ADGRL4: variants seen among roughly 807,000 people sequenced by gnomAD.
ADGRL4 encodes EGF, latrophilin and seven transmembrane domain containing 1.
A neutral mutation model predicts 74.8 loss-of-function variants in ADGRL4; 90 were observed. The observed-to-expected ratio is 1.20, with a 90% CI of 1.02 to 1.43. The LOEUF (loss-of-function observed/expected upper bound fraction) is 1.43, where lower values mean the gene tolerates loss of function less well. Ranked by LOEUF, ADGRL4 falls within the 40% of genes most tolerant of loss-of-function variation. The probability of loss-of-function intolerance (pLI) is 0.00; values close to 1 mark genes in which losing one functional copy is unlikely to be tolerated. For synonymous variants in ADGRL4, 311 were observed against 279.2 expected, an observed-to-expected ratio of 1.11 and a Z score of -1.14; for missense variants, 881 against 814.3, an observed-to-expected ratio of 1.08 and a Z score of -1.00.
rs1648236711 is a variant in ADGRL4 at position 78,890,144 on chromosome 1, C to T, written c.*1010G>A. ...TCTGAACAGAAAAAATAGCAATTCA[C>T]TTTATAAATACTTTCATATTTACAA... On this transcript the variant is annotated 3_prime_UTR_variant, in exon 15 of 15. Transcript: ENST00000370742. The T allele has an allele frequency of 1.3e-5, 2 of 153,938 alleles. No homozygotes were observed. Among genetic ancestry groups the T allele is most frequent in the Admixed American group, 6.6e-5 (1 of 15,252 alleles). The allele number at this position is 153,938 out of a possible 1,614,324, so 9.5% of individuals were successfully genotyped here.
chr1:78,998,802 A>G (rs548019713), intron 2 of ADGRL4, among the ~76,000 whole-genome samples: 1 of 152,270 alleles, frequency 6.6e-6, no homozygotes, highest in African/African-American at 2.4e-5. Context: ...GCAAACCTAC[A>G]CCACAGAGTA....
intron 2 of ADGRL4, among the ~76,000 whole-genome samples, chr1:78,979,295 T>A (rs753927952): frequency 1.3e-5 from 2 of 151,946 alleles, no homozygotes; most frequent in Non-Finnish European, 1.5e-5. Flanking sequence ...TATAAGTCCG[T>A]TCCCTTTAGC....
At chr1:78,969,836 T>C (rs1455039596) in intron 2 of ADGRL4, among the ~76,000 whole-genome samples, 2 of 152,134 alleles carry the variant, frequency 1.3e-5, no homozygotes, top group African/African-American at 4.8e-5. Flanking sequence ...CTTGTTCCTG[T>C]GAACCAACCA....
chr1:78,893,169 T>C lies in ADGRL4; in HGVS notation c.1770A>G (p.Gly590=), dbSNP rs1299194926. 2.5e-6 allele frequency: 4 copies of C among 1,601,626 alleles called. No individual in the cohort carries two copies. Among genetic ancestry groups the C allele is most frequent in the Admixed American group, 3.4e-5 (2 of 58,008 alleles). ...GACGAAAAACTTTGTATATGATGAC[T>C]CCAAAAGCCAAGAGATTAACCTGGA... ...LIILVNLLAF[G]VIIYKVFRHT... The change falls in exon 13 of 15, where the codon GGA becomes GGG. Residue 590 remains glycine, a synonymous_variant. Transcript: ENST00000370742.
intron 2 of ADGRL4, among the ~76,000 whole-genome samples, chr1:78,972,079 C>T (rs1381415883): frequency 6.6e-6 from 1 of 152,102 alleles, no homozygotes; most frequent in African/African-American, 2.4e-5. Context: ...GATTAAAAAA[C>T]CTTAAATATC....
chr1:78,905,571 CAAAT>C (rs750429379), intron 12 of ADGRL4, among the ~76,000 whole-genome samples: 1 of 151,926 alleles, frequency 6.6e-6, no homozygotes, highest in Non-Finnish European at 1.5e-5. Context: ...CAAAAACAAA[CAAAT>C]GAGTGTGGCT....
In ADGRL4 at chr1:78,917,961, G is replaced by A. The variant is rs747713372; in HGVS notation, c.1551C>T (p.Leu517=). 2 of 1,612,134 alleles carry A rather than the reference G, an allele frequency of 1.2e-6. No individual in the cohort carries two copies. The change falls in exon 11 of 15, where the codon CTC becomes CTT. Residue 517 remains leucine (L), a synonymous_variant. Coordinates refer to ENST00000370742, the MANE Select transcript of ADGRL4 (RefSeq NM_022159.4). The stretch of plus-strand genomic sequence containing the variant: ...TGTTGTAGATGACACCCACAACAAT[G>A]AGATAGAGATGTATGCCTTCAATGC... ...WMCIEGIHLY[L]IVVGVIYNKG...
At chr1:78,910,541 A>G (rs890400816) in intron 12 of ADGRL4, among the ~76,000 whole-genome samples, 13 of 151,854 alleles carry the variant, frequency 8.6e-5, no homozygotes, top group South Asian at 6.2e-4. Flanking sequence ...CTATTCTTCA[A>G]TGCTGAATGT....
At chr1:78,961,274 C>G (rs532594591) in intron 2 of ADGRL4, among the ~76,000 whole-genome samples, 1 of 152,164 alleles carries the variant, frequency 6.6e-6, no homozygotes, top group South Asian at 2.1e-4. Context: ...TCCTGAGTAG[C>G]TGGGACTACA....
chr1:78,951,034 T>C (rs938396949), intron 2 of ADGRL4, among the ~76,000 whole-genome samples: 2 of 152,182 alleles, frequency 1.3e-5, no homozygotes, highest in African/African-American at 4.8e-5. Flanking sequence ...GACTCCCTTC[T>C]TCTCTTCCAG....
chr1:78,939,310 T>G, intron 3 of ADGRL4, 52 bp from the exon 4 acceptor site: 1 of 1,444,714 alleles, frequency 6.9e-7, no homozygotes, highest in Non-Finnish European at 9.2e-7. Flanking sequence ...GTATTTTTCC[T>G]AAGCTGATCA....
chr1:78,932,946 A>G (rs1206904933), intron 7 of ADGRL4, among the ~76,000 whole-genome samples: 1 of 151,368 alleles, frequency 6.6e-6, no homozygotes, highest in African/African-American at 2.5e-5. Context: ...CCTCCCAAAC[A>G]AAAAAAGCCC....
intron 2 of ADGRL4, among the ~76,000 whole-genome samples, chr1:78,954,149 A>AAAATAAAT (rs562969021): frequency 6.9e-6 from 1 of 145,718 alleles, no homozygotes; most frequent in African/African-American, 2.8e-5. Flanking sequence ...TCCATTTCAG[A>AAAATAAAT]AAATAAATAA....
chr1:78,906,759 T>G (rs918044456), intron 12 of ADGRL4, among the ~76,000 whole-genome samples: 1 of 151,970 alleles, frequency 6.6e-6, no homozygotes, highest in Non-Finnish European at 1.5e-5. Flanking sequence ...AAAACTTTAA[T>G]ATAAATTTAT....
Position 78,920,390 on chromosome 1 carries a change from A to G in ADGRL4, c.1258-4T>C. ...GAATATTATAATCTTTAATACCCTAAGGGAAAATAATAATAAAGCAGTTAA... is the reference window on the plus strand; with the variant it reads ...GAATATTATAATCTTTAATACCCTAGGGGAAAATAATAATAAAGCAGTTAA... On this transcript the variant is annotated splice_region_variant and splice_polypyrimidine_tract_variant and intron_variant, in intron 9 of 14. Coordinates refer to ENST00000370742, the MANE Select transcript of ADGRL4 (RefSeq NM_022159.4). 6.5e-7 allele frequency: 1 copy of G among 1,530,460 alleles called. No homozygotes were observed. Among genetic ancestry groups the G allele is most frequent in the African/African-American group, 1.4e-5 (1 of 72,864 alleles). 94.8% of individuals were successfully genotyped at this position (1,530,460 alleles called of 1,614,324 possible).
At chr1:78,910,650 G>T (rs1030097504) in intron 12 of ADGRL4, among the ~76,000 whole-genome samples, 1 of 151,726 alleles carries the variant, frequency 6.6e-6, no homozygotes, top group African/African-American at 2.4e-5. Context: ...CATAGTTTTA[G>T]TTTAAAGAAT....
intron 7 of ADGRL4, among the ~76,000 whole-genome samples, chr1:78,935,322 A>G (rs1418837289): frequency 6.6e-6 from 1 of 152,092 alleles, no homozygotes; most frequent in African/African-American, 2.4e-5. Flanking sequence ...TTAACAGCAC[A>G]TGTTCTCACT....
intron 2 of ADGRL4, among the ~76,000 whole-genome samples, chr1:78,967,545 T>C (rs1650081094): frequency 1.3e-5 from 2 of 152,150 alleles, no homozygotes. Flanking sequence ...GGCATAGAAA[T>C]GTAAATTTTT....
chr1:78,966,676 G>A (rs754702936), intron 2 of ADGRL4, among the ~76,000 whole-genome samples: 3 of 152,086 alleles, frequency 2.0e-5, no homozygotes, highest in Non-Finnish European at 2.9e-5. Flanking sequence ...CCTGGGGAAT[G>A]CCACGCATTC....
Sources: allele counts gnomAD v4.1 joint callset (sites outside exome capture counted in the v4.1 genomes callset), GRCh38; gene constraint gnomAD v4.1.1; transcripts MANE v1.5; gene names NCBI Gene and HGNC (gene_info 2026-07-23, HGNC 2026-07-21).